SHROOM3: variants seen among roughly 807,000 people sequenced by gnomAD.
SHROOM3 encodes the protein shroom family member 3.
In SHROOM3, 47 loss-of-function variants were observed where a neutral mutation model predicts 138.6. That is an observed-to-expected ratio of 0.34 (90% CI 0.27 to 0.43). The LOEUF is 0.43. Among genes scored for constraint, SHROOM3 ranks in the 20% least tolerant of loss-of-function variants. The pLI is 1.00. For missense variants in SHROOM3, 2,491 were observed against 2,596.5 expected, an observed-to-expected ratio of 0.96 and a Z score of 0.88; for synonymous variants, 1,062 against 1,063.3, an observed-to-expected ratio of 1.00 and a Z score of 0.02.
At chr4:76,606,154 C>T (rs909416189) in intron 2 of SHROOM3, among the ~76,000 whole-genome samples, 16 of 149,518 alleles carry the variant, frequency 1.1e-4, no homozygotes, top group Non-Finnish European at 2.1e-4. Flanking sequence ...GCTGGTATTA[C>T]AGGCGCCTGC....
intron 2 of SHROOM3, chr4:76,688,395 G>T: frequency 2.0e-6 from 2 of 985,330 alleles, no homozygotes; most frequent in Non-Finnish European, 2.4e-6. Flanking sequence ...CAGCTGTTTG[G>T]TAAGGGAGGT....
chr4:76,677,345 G>A lies in SHROOM3; in HGVS notation c.324-32811G>A, dbSNP rs191988117. On this transcript the variant is annotated intron_variant, in intron 2 of 10. Transcript: ENST00000296043. The stretch of plus-strand genomic sequence containing the variant: ...GAGAAAAGCACGGGCTTTGGGGTTG[G>A]GCAGACTTCTCTGAGTCTTCATTCT... 6.8e-3 allele frequency among the ~76,000 whole-genome samples: 1,029 copies of A among 152,184 alleles called. 51 individuals are homozygous for A. The highest frequency in any genetic ancestry group is 0.063 in the Admixed American group (964 of 15,274).
chr4:76,505,845 G>A (rs559847479), intron 1 of SHROOM3, among the ~76,000 whole-genome samples: 4 of 151,882 alleles, frequency 2.6e-5, no homozygotes, highest in Admixed American at 1.3e-4. Context: ...ATTAGTTTTT[G>A]TAGAGATAGG....
At position 76,754,825 on chromosome 4, in the gene SHROOM3, G is replaced by A. The variant is rs781548863; in HGVS notation, c.4342G>A (p.Ala1448Thr). 4 of 1,614,030 alleles carry A rather than the reference G, an allele frequency of 2.5e-6. No individual in the cohort carries two copies. The African/African-American group carries it at 4.0e-5, about 16-fold the overall frequency. The change falls in exon 7 of 11, where the codon GCC (alanine) becomes ACC (threonine). Residue 1448 changes from alanine to threonine, a missense_variant. Coordinates refer to ENST00000296043, the MANE Select transcript of SHROOM3 (RefSeq NM_020859.4). The stretch of plus-strand genomic sequence containing the variant: ...GGACAGCCTTCCTGAGGAATCCTCA[G>A]CCCCTGATTTTGCAAACCTGAAGCA... Reference protein sequence around the residue: ...REDSLPEESSAPDFANLKHYQ... With the variant: ...REDSLPEESSTPDFANLKHYQ...
At chr4:76,444,235 C>T (rs1408093728) in intron 1 of SHROOM3, among the ~76,000 whole-genome samples, 1 of 151,314 alleles carries the variant, frequency 6.6e-6, no homozygotes, top group Admixed American at 6.6e-5. Context: ...TTTTTGAATG[C>T]TCTTTGGTGC....
chr4:76,501,644 C>A (rs898707147), intron 1 of SHROOM3, among the ~76,000 whole-genome samples: 2 of 152,044 alleles, frequency 1.3e-5, no homozygotes, highest in African/African-American at 4.8e-5. Context: ...CACCAACTTG[C>A]CACAATTCTC....
intron 2 of SHROOM3, among the ~76,000 whole-genome samples, chr4:76,614,033 TTTTGTTTGTTTGTTTGTTTG>T (rs71212434): frequency 6.7e-6 from 1 of 150,322 alleles, no homozygotes; most frequent in Non-Finnish European, 1.5e-5. Flanking sequence ...TCGTTTTTTG[TTTTGTTTGTTTGTTTGTTTG>T]TTTGTTTGTT....
In SHROOM3 at chr4:76,439,917, G is replaced by T. The variant is rs138917960; in HGVS notation, c.168+3697G>T. 4.2e-4 allele frequency among the ~76,000 whole-genome samples: 64 copies of T among 152,296 alleles called. No individual in the cohort carries two copies. The East Asian group carries it at 0.011, about 25-fold the overall frequency. On this transcript the variant is annotated intron_variant, in intron 1 of 10. Transcript: ENST00000296043. ...AAGGAAAGGTGGGGTTGTGGAAAGCGCCTCTGTAATCTGTGAACTTCAAAA... is the reference window on the plus strand; with the variant it reads ...AAGGAAAGGTGGGGTTGTGGAAAGCTCCTCTGTAATCTGTGAACTTCAAAA...
intron 1 of SHROOM3, among the ~76,000 whole-genome samples, chr4:76,493,496 T>C (rs1731898970): frequency 6.6e-6 from 1 of 152,132 alleles, no homozygotes; most frequent in African/African-American, 2.4e-5. Context: ...AGAGGATTCT[T>C]AGGTCTTGAT....
At chr4:76,570,735 G>A (rs1052804562) in intron 2 of SHROOM3, among the ~76,000 whole-genome samples, 7 of 152,274 alleles carry the variant, frequency 4.6e-5, no homozygotes, top group East Asian at 3.9e-4. Context: ...CAGAAAAGGC[G>A]AACTTATCTT....
At chr4:76,727,887 C>CAAAAAAAAA (rs71212446) in intron 3 of SHROOM3, among the ~76,000 whole-genome samples, 2 of 96,262 alleles carry the variant, frequency 2.1e-5, no homozygotes, top group Non-Finnish European at 2.2e-5. Flanking sequence ...GACTCCATCT[C>CAAAAAAAAA]AAAAAAAAAG....
At chr4:76,650,958 G>A (rs919433711) in intron 2 of SHROOM3, among the ~76,000 whole-genome samples, 12 of 152,168 alleles carry the variant, frequency 7.9e-5, no homozygotes, top group Non-Finnish European at 1.5e-4. Context: ...CCATGAAAAA[G>A]AATAGAACCA....
intron 2 of SHROOM3, among the ~76,000 whole-genome samples, chr4:76,632,575 AG>A (rs1188544340): frequency 6.6e-6 from 1 of 152,188 alleles, no homozygotes; most frequent in East Asian, 1.9e-4. Flanking sequence ...GAGGGGAAGA[AG>A]GCTGAACTGC....
intron 1 of SHROOM3, among the ~76,000 whole-genome samples, chr4:76,550,093 A>ATT (rs143509513): frequency 2.6e-5 from 4 of 151,658 alleles, no homozygotes; most frequent in Non-Finnish European, 5.9e-5. Flanking sequence ...GTGCGTTTTA[A>ATT]TTTTTTTTTA....
chr4:76,546,908 C>A (rs960612481), intron 1 of SHROOM3, among the ~76,000 whole-genome samples: 3 of 152,156 alleles, frequency 2.0e-5, no homozygotes, highest in Non-Finnish European at 4.4e-5. Flanking sequence ...AAAAAGTTGG[C>A]TAAATTCTGC....
At chr4:76,470,276 C>T (rs77096629) in intron 1 of SHROOM3, among the ~76,000 whole-genome samples, 369 of 152,264 alleles carry the variant, frequency 2.4e-3, no homozygotes, top group African/African-American at 8.3e-3. Flanking sequence ...TGTGAAAGTA[C>T]TTTGAAAACC....
rs199909948 is a variant in SHROOM3, at chr4:76,756,708, C to A, written c.4969C>A (p.Pro1657Thr). 19 of 1,614,084 alleles carry A rather than the reference C, an allele frequency of 1.2e-5. 1 individual carries two copies. The Admixed American group carries it at 2.2e-4, about 18-fold the overall frequency. The change falls in exon 8 of 11, where the codon CCT (proline) becomes ACT (threonine). Residue 1657 changes from proline (P) to threonine (T), a missense_variant. This residue lies in a region of SHROOM3 where 470 missense variants were observed against 595.0 expected (regional missense o/e 0.79). Coordinates refer to ENST00000296043, the MANE Select transcript of SHROOM3 (RefSeq NM_020859.4). ...GTQGLEKKVS[P>T]DPQKSSEDIR... is the part of the protein sequence containing the mutation. ...TCAGGGTTTAGAAAAGAAAGTCAGT[C>A]CTGATCCTCAGAAGAGTTCAGAAGA...
chr4:76,776,121 T>A (rs943763773), intron 10 of SHROOM3, among the ~76,000 whole-genome samples: 3 of 152,084 alleles, frequency 2.0e-5, no homozygotes, highest in African/African-American at 7.2e-5. Flanking sequence ...CTTTTCACCA[T>A]ATCCATGCCA....
intron 2 of SHROOM3, among the ~76,000 whole-genome samples, chr4:76,580,587 T>C (rs1453238719): frequency 1.3e-5 from 2 of 151,410 alleles, no homozygotes; most frequent in Non-Finnish European, 2.9e-5. Flanking sequence ...CCACCACACC[T>C]GGCTAATTTT....
Sources: gnomAD v4.1 joint callset for allele counts (sites outside exome capture counted in the v4.1 genomes callset) on GRCh38, gnomAD v4.1.1 for gene constraint, gnomAD v4.1.1 regional missense constraint, MANE v1.5 for transcripts, NCBI Gene and HGNC (gene_info 2026-07-23, HGNC 2026-07-21) for gene names.